Variants in KLF12 observed in about 807,000 individuals in gnomAD.
The protein encoded by KLF12 is Krueppel-like factor 12.
KLF12 carries 9 observed loss-of-function variants against 37.8 expected under a neutral mutation model. The ratio of observed to expected loss-of-function variants is 0.24; its 90% CI spans 0.14 to 0.42. The LOEUF is 0.42. KLF12 is among the 10% of genes least tolerant of loss of function. KLF12 has a pLI of 1.00. For synonymous variants in KLF12, 208 were observed against 202.1 expected (o/e 1.03, Z -0.25); for missense variants, 411 against 516.0 (o/e 0.80, Z 1.97).
At chr13:74,304,745 G>A in the KLF12 span, among the ~76,000 whole-genome samples, 3 of 152,104 alleles carry the variant, frequency 2.0e-5, no homozygotes, top group African/African-American at 7.2e-5. Context: ...AGAAAGTGAA[G>A]TGTAATTGGT....
At chr13:73,939,414 A>G (rs561829669) in intron 3 of KLF12, among the ~76,000 whole-genome samples, 2 of 152,038 alleles carry the variant, frequency 1.3e-5, no homozygotes, top group African/African-American at 4.8e-5. Context: ...TCTGTTATTG[A>G]CATTATTTTT....
chr13:74,062,589 T>A (rs924468309), intron 1 of KLF12, among the ~76,000 whole-genome samples: 1 of 152,226 alleles, frequency 6.6e-6, no homozygotes, highest in African/African-American at 2.4e-5. Flanking sequence ...AAAATGCAAT[T>A]TACAAGTATT....
intron 2 of KLF12, among the ~76,000 whole-genome samples, chr13:73,944,669 A>T (rs1164614243): frequency 6.6e-6 from 1 of 152,228 alleles, no homozygotes; most frequent in Non-Finnish European, 1.5e-5. Flanking sequence ...AAACTAAATA[A>T]CAAACAATTA....
chr13:73,780,349 G>A (rs774502279), intron 5 of KLF12, among the ~76,000 whole-genome samples: 23 of 151,986 alleles, frequency 1.5e-4, no homozygotes, highest in Non-Finnish European at 2.6e-4. Flanking sequence ...CCTGAGCAGC[G>A]TACACTGTAC....
chr13:73,948,765 ATTGCAAAACCT>A (rs1890536811), intron 2 of KLF12, among the ~76,000 whole-genome samples: 1 of 152,206 alleles, frequency 6.6e-6, no homozygotes, highest in South Asian at 2.1e-4. Context: ...TTAACAACTA[ATTGCAAAACCT>A]TTGCTTATAT....
chr13:73,841,282 G>A (rs771570464), intron 4 of KLF12, among the ~76,000 whole-genome samples: 1 of 152,152 alleles, frequency 6.6e-6, no homozygotes, highest in African/African-American at 2.4e-5. Flanking sequence ...CCTGAGATCT[G>A]TCTTGACCCT....
the KLF12 span, among the ~76,000 whole-genome samples, chr13:74,226,422 G>A: frequency 6.6e-6 from 1 of 152,162 alleles, no homozygotes; most frequent in African/African-American, 2.4e-5. Flanking sequence ...GCAGAGAGGG[G>A]AAGATGTGCT....
chr13:74,095,761 G>A (rs1875946204), intron 1 of KLF12, among the ~76,000 whole-genome samples: 2 of 152,190 alleles, frequency 1.3e-5, no homozygotes, highest in South Asian at 4.1e-4. Context: ...AGACTAGACT[G>A]AATTAAAACA....
intron 1 of KLF12, among the ~76,000 whole-genome samples, chr13:74,045,798 G>A (rs375356315): frequency 3.2e-4 from 49 of 152,268 alleles, no homozygotes; most frequent in African/African-American, 1.1e-3. Context: ...TTGAGTGTGC[G>A]TGTGTGTCAC....
chr13:74,151,871 C>T, the KLF12 span, among the ~76,000 whole-genome samples: 1 of 151,812 alleles, frequency 6.6e-6, no homozygotes, highest in African/African-American at 2.4e-5. Context: ...AAGTAACCAA[C>T]CAAAAATAAT....
chr13:74,016,293 C>T (rs902880724), intron 1 of KLF12, among the ~76,000 whole-genome samples: 4 of 152,080 alleles, frequency 2.6e-5, no homozygotes, highest in Non-Finnish European at 4.4e-5. Context: ...CAATACACAG[C>T]CATTAGAATG....
At chr13:73,764,001 T>C (rs1879739817) in intron 6 of KLF12, among the ~76,000 whole-genome samples, 1 of 152,140 alleles carries the variant, frequency 6.6e-6, no homozygotes, top group Admixed American at 6.5e-5. Context: ...ATGATTCAAA[T>C]TCAAAGTGTC....
At chr13:73,695,793 C>T (rs573402873) in intron 7 of KLF12, 122 bp from the exon 8 acceptor site, 18 of 938,384 alleles carry the variant, frequency 1.9e-5, no homozygotes, top group South Asian at 3.2e-5. Flanking sequence ...AAATCTTTGT[C>T]GGGAAACCTT....
chr13:73,872,227 T>C (rs775931646), intron 3 of KLF12, among the ~76,000 whole-genome samples: 20 of 152,078 alleles, frequency 1.3e-4, no homozygotes, highest in Non-Finnish European at 2.2e-4. Context: ...ATTTCAGAAT[T>C]TAATCTACAC....
chr13:73,728,002 C>T lies in KLF12; in HGVS notation c.870-12477G>A, dbSNP rs190554164. Among the ~76,000 whole-genome samples the T allele has an allele frequency of 2.3e-3, 357 of 152,250 alleles. 5 individuals carry two copies. The highest frequency in any genetic ancestry group is 8.3e-3 in the African/African-American group (346 of 41,556). ...GTGTGCCGCCGTGGCCAGCCATCAT[C>T]GATTTCTGTAAAAGAAAATGCAGCT... On this transcript the variant is annotated intron_variant, in intron 6 of 7. Coordinates refer to ENST00000377669, the MANE Select transcript of KLF12 (RefSeq NM_007249.5).
chr13:73,859,531 T>C (rs999540463), intron 3 of KLF12, among the ~76,000 whole-genome samples: 1 of 152,148 alleles, frequency 6.6e-6, no homozygotes, highest in Non-Finnish European at 1.5e-5. Flanking sequence ...CTGAAGAGAA[T>C]ATAAAATAAT....
chr13:73,741,706 G>A (rs777112928), intron 6 of KLF12, among the ~76,000 whole-genome samples: 10 of 152,056 alleles, frequency 6.6e-5, no homozygotes, highest in Non-Finnish European at 1.2e-4. Context: ...AGCTCCTTTG[G>A]AGCTATTGTT....
At chr13:73,785,360 C>T (rs1300749216) in intron 5 of KLF12, among the ~76,000 whole-genome samples, 1 of 152,074 alleles carries the variant, frequency 6.6e-6, no homozygotes, top group Admixed American at 6.5e-5. Flanking sequence ...GTGATCCGCT[C>T]ACCTCCGTCT....
the KLF12 span, among the ~76,000 whole-genome samples, chr13:74,294,133 C>A: frequency 6.6e-6 from 1 of 152,188 alleles, no homozygotes; most frequent in Non-Finnish European, 1.5e-5. Context: ...CTAGGTGAAG[C>A]CATGTGCTGG....
Sources: allele counts gnomAD v4.1 joint callset (sites outside exome capture counted in the v4.1 genomes callset), GRCh38; gene constraint gnomAD v4.1.1; transcripts MANE v1.5; gene names NCBI Gene and HGNC (gene_info 2026-07-23, HGNC 2026-07-21).